Variants in SH3BP2 observed in about 807,000 individuals in gnomAD.
The protein encoded by SH3BP2 is SH3 domain-binding protein 2.
SH3BP2 carries 38 observed loss-of-function variants against 56.2 expected under a neutral mutation model. The observed-to-expected ratio is 0.68, with a 90% CI of 0.52 to 0.89. The LOEUF is 0.89. SH3BP2 is among the 40% of genes least tolerant of loss of function. The probability of loss-of-function intolerance (pLI) is 0.00; values close to 1 mark genes in which losing one functional copy is unlikely to be tolerated. For missense variants in SH3BP2, 748 were observed against 762.6 expected, an observed-to-expected ratio of 0.98 and a Z score of 0.23; for synonymous variants, 346 against 316.7, an observed-to-expected ratio of 1.09 and a Z score of -0.98.
rs1287020873 is a variant in SH3BP2 at position 2,833,821 on chromosome 4, C to G, written c.1673C>G (p.Thr558Ser). 4 of 1,576,640 alleles carry G rather than the reference C, an allele frequency of 2.5e-6. No homozygotes were observed. The highest frequency in any genetic ancestry group is 3.4e-6 in the Non-Finnish European group (4 of 1,161,814). The stretch of plus-strand genomic sequence containing the variant: ...CTGCTGCGGCACCCCTACGGCTACA[C>G]TGGGCCTAGGTGATGGCAGTCCATG... ...SLLLRHPYGY[T>S]GPR Residue 558 changes from threonine to serine, a missense_variant, in exon 13 of 13, where the codon ACT becomes AGT. Physicochemically the swap from Thr to Ser is moderately conservative, Grantham distance 58. Transcript: ENST00000503393.
Position 2,822,931 on chromosome 4 carries a change from A to C in SH3BP2, c.137-4A>C, listed in dbSNP as rs775760382. 2 of 1,613,110 alleles carry C rather than the reference A, an allele frequency of 1.2e-6. No individual in the cohort carries two copies. Among genetic ancestry groups the C allele is most frequent in the East Asian group, 4.5e-5 (2 of 44,860 alleles). Reference sequence around the variant, plus strand: ...CACCTTCCTGCCCTTGCCACCTCCCACAGGGCCCCTGCGCTTTGTCATCAT... The same window carrying C: ...CACCTTCCTGCCCTTGCCACCTCCCCCAGGGCCCCTGCGCTTTGTCATCAT... On this transcript the variant is annotated splice_polypyrimidine_tract_variant and splice_region_variant and intron_variant, in intron 2 of 12. Transcript: ENST00000503393.
intron 1 of SH3BP2, among the ~76,000 whole-genome samples, chr4:2,812,923 G>A (rs1723823930): frequency 6.6e-6 from 1 of 152,142 alleles, no homozygotes; most frequent in African/African-American, 2.4e-5. Context: ...GGTCCCTGCT[G>A]CCCACCTGGG....
intron 1 of SH3BP2, among the ~76,000 whole-genome samples, chr4:2,801,834 G>T (rs191755100): frequency 4.4e-4 from 67 of 152,362 alleles, no homozygotes; most frequent in African/African-American, 1.4e-3. Flanking sequence ...TTAGCCAGGC[G>T]TGGTGGCTCA....
intron 5 of SH3BP2, 50 bp from the exon 6 acceptor site, chr4:2,827,180 C>A: frequency 6.7e-7 from 1 of 1,482,870 alleles, no homozygotes; most frequent in Non-Finnish European, 9.4e-7. Flanking sequence ...CATCAAGGGA[C>A]CTCCCAGGCC....
At chr4:2,803,798 A>T (rs1437766500) in intron 1 of SH3BP2, among the ~76,000 whole-genome samples, 4 of 152,280 alleles carry the variant, frequency 2.6e-5, no homozygotes, top group Admixed American at 2.6e-4. Flanking sequence ...CTCATGTGGA[A>T]GATTGCTCCC....
Position 2,829,581 on chromosome 4 carries a change from C to T in SH3BP2, c.675C>T (p.Ser225=). 1 of 1,613,010 alleles carries T rather than the reference C, an allele frequency of 6.2e-7. No homozygotes were observed. Among genetic ancestry groups the T allele is most frequent in the Non-Finnish European group, 8.5e-7 (1 of 1,179,598 alleles). The change falls in exon 8 of 13, where the codon TCC becomes TCT. Residue 225 remains serine, a synonymous_variant. Coordinates refer to ENST00000503393, the MANE Select transcript of SH3BP2 (RefSeq NM_001122681.2). This position sits in a 1 kb window ranked among gnomAD's most constrained non-coding sequence, Gnocchi z 4.9. ...TCTCTGACATGCCCCGGGCCCACTC[C>T]TTTACCTCCAAGGGCCCCGGTCCCC... The part of the protein sequence containing the change: ...PAFSDMPRAH[S]FTSKGPGPLL...
chr4:2,823,020 C>G lies in SH3BP2; in HGVS notation c.222C>G (p.Ser74=). The change falls in exon 3 of 13, where the codon TCC becomes TCG. Residue 74 remains serine (S), a synonymous_variant. Coordinates refer to ENST00000503393, the MANE Select transcript of SH3BP2 (RefSeq NM_001122681.2). ...CTGCCTCCCCGCAGGGCGCCTTCTC[C>G]CTGAGTGGCTATAACCGGTAAGTGC... ...STSASPQGAF[S]LSGYNRVMRA... The G allele has an allele frequency of 6.2e-7, 1 of 1,613,652 alleles. No individual in the cohort carries two copies. Among genetic ancestry groups the G allele is most frequent in the Non-Finnish European group, 8.5e-7 (1 of 1,179,664 alleles).
rs1003726701 is a variant in SH3BP2 at position 2,812,387 on chromosome 4, C to T, written c.-4-8227C>T. On this transcript the variant is annotated intron_variant, in intron 1 of 12. Coordinates refer to ENST00000503393, the MANE Select transcript of SH3BP2 (RefSeq NM_001122681.2). ...GATGTAGGCTGCCTGGGCTGGTGGC[C>T]CCTGAGCCGCATGGCCTCCCTGGGC... 3.2e-6 allele frequency: 5 copies of T among 1,550,036 alleles called. No homozygotes were observed. In the African/African-American group the frequency reaches 4.1e-5, roughly 13 times the overall value.
chr4:2,822,994 TCTGC>T lies in SH3BP2; in HGVS notation c.199_202del (p.Ala67ProfsTer8). 6.2e-7 allele frequency: 1 copy of T among 1,614,126 alleles called. No homozygotes were observed. The highest frequency in any genetic ancestry group is 8.5e-7 in the Non-Finnish European group (1 of 1,179,992). On this transcript the variant is annotated frameshift_variant, in exon 3 of 13. Transcript: ENST00000503393. LOFTEE classifies it high-confidence loss of function. ...CGTCTACTACTTCAAGAGTAGCACCTCTGCCTCCCCGCAGGGCGCCTTCTCCCTG... is the reference window on the plus strand; with the variant it reads ...CGTCTACTACTTCAAGAGTAGCACCTCTCCCCGCAGGGCGCCTTCTCCCTG...
intron 8 of SH3BP2, among the ~76,000 whole-genome samples, chr4:2,830,548 GA>G (rs1475832130): frequency 4.6e-5 from 7 of 152,196 alleles, no homozygotes; most frequent in Admixed American, 2.6e-4. Flanking sequence ...TTTTAGTAGA[GA>G]CAGGGGTTTC....
chr4:2,805,253 G>A (rs1251281073), intron 1 of SH3BP2, among the ~76,000 whole-genome samples: 2 of 152,194 alleles, frequency 1.3e-5, no homozygotes, highest in Non-Finnish European at 2.9e-5. Context: ...GGGGTGTCCC[G>A]GCCACAGCTG....
At chr4:2,811,671 G>C in intron 1 of SH3BP2, 1 of 154,808 alleles carries the variant, frequency 6.5e-6, no homozygotes, top group Non-Finnish European at 1.4e-5. Context: ...TAGCAAACCA[G>C]ATGTTAGCAG....
At chr4:2,826,124 G>A (rs1182603136) in intron 5 of SH3BP2, among the ~76,000 whole-genome samples, 2 of 152,268 alleles carry the variant, frequency 1.3e-5, no homozygotes, top group African/African-American at 2.4e-5. Flanking sequence ...AGGTGGAGAC[G>A]TGGGCACAGT....
intron 12 of SH3BP2, 127 bp from the exon 13 acceptor site, chr4:2,833,570 C>A: frequency 1.6e-6 from 2 of 1,283,960 alleles, no homozygotes; most frequent in Non-Finnish European, 2.2e-6. Context: ...GCACCACCGA[C>A]AGCCAGGGGC....
chr4:2,833,419 G>A (rs550549635), intron 12 of SH3BP2: 46 of 584,356 alleles, frequency 7.9e-5, no homozygotes, highest in East Asian at 7.0e-4. Context: ...GATTACAGGC[G>A]TGGGCCACCG....
chr4:2,801,482 T>C (rs1723278819), intron 1 of SH3BP2, among the ~76,000 whole-genome samples: 1 of 152,180 alleles, frequency 6.6e-6, no homozygotes, highest in Non-Finnish European at 1.5e-5. Flanking sequence ...TCCCTCTTGC[T>C]CCTGGGCCTG....
At position 2,829,585 on chromosome 4, in the gene SH3BP2, A is replaced by C. The variant is rs1577367180; in HGVS notation, c.679A>C (p.Thr227Pro). 1 of 1,611,160 alleles carries C rather than the reference A, an allele frequency of 6.2e-7. No homozygotes were observed. Among genetic ancestry groups the C allele is most frequent in the Non-Finnish European group, 8.5e-7 (1 of 1,179,106 alleles). Residue 227 changes from threonine to proline, a missense_variant, in exon 8 of 13, where the codon ACC becomes CCC. Thr to Pro is a conservative substitution (Grantham distance 38, BLOSUM62 -1). Coordinates refer to ENST00000503393, the MANE Select transcript of SH3BP2 (RefSeq NM_001122681.2). The surrounding 1 kb of genome is among the most constrained non-coding windows in gnomAD (Gnocchi z 4.9). Reference sequence around the variant, plus strand: ...TGACATGCCCCGGGCCCACTCCTTTACCTCCAAGGGCCCCGGTCCCCTACT... The same window carrying C: ...TGACATGCCCCGGGCCCACTCCTTTCCCTCCAAGGGCCCCGGTCCCCTACT... Reference protein sequence around the residue: ...FSDMPRAHSFTSKGPGPLLPP... With the variant: ...FSDMPRAHSFPSKGPGPLLPP...
In SH3BP2 at chr4:2,833,804, G is replaced by T; in HGVS notation, c.1656G>T (p.Arg552=). ...CCAGCCACCAGAGCCTGCTGCTGCGGCACCCCTACGGCTACACTGGGCCTA... is the reference window on the plus strand; with the variant it reads ...CCAGCCACCAGAGCCTGCTGCTGCGTCACCCCTACGGCTACACTGGGCCTA... ...VLPSHQSLLL[R]HPYGYTGPR The change falls in exon 13 of 13, where the codon CGG becomes CGT. Residue 552 remains arginine (R), a synonymous_variant. Coordinates refer to ENST00000503393, the MANE Select transcript of SH3BP2 (RefSeq NM_001122681.2). 6.3e-7 allele frequency: 1 copy of T among 1,587,174 alleles called. No homozygotes were observed.
intron 1 of SH3BP2, among the ~76,000 whole-genome samples, chr4:2,804,571 C>A (rs1015442726): frequency 6.6e-6 from 1 of 152,210 alleles, no homozygotes; most frequent in South Asian, 2.1e-4. Context: ...CCTGCGGTAG[C>A]TTCCTCCCTG....
Sources: gnomAD v4.1 joint callset for allele counts (sites outside exome capture counted in the v4.1 genomes callset) on GRCh38, gnomAD v4.1.1 for gene constraint, Gnocchi (gnomAD v3.1) non-coding constraint, MANE v1.5 for transcripts, NCBI Gene and HGNC (gene_info 2026-07-23, HGNC 2026-07-21) for gene names.